The following UVRAG variants were observed in gnomAD, a reference collection of about 807,000 sequenced individuals.
UVRAG encodes UV radiation resistance associated.
UVRAG carries 19 observed loss-of-function variants against 78.0 expected under a neutral mutation model. That is an observed-to-expected ratio of 0.24 (90% confidence interval 0.17 to 0.36). The LOEUF (loss-of-function observed/expected upper bound fraction) is 0.36, where lower values mean the gene tolerates loss of function less well. UVRAG is among the 10% of genes least tolerant of loss of function. The pLI, the probability that UVRAG is intolerant of heterozygous loss-of-function variation, is 1.00. For missense variants in UVRAG, 740 were observed against 853.8 expected (o/e 0.87, Z 1.66); for synonymous variants, 323 against 324.6 (o/e 1.00, Z 0.05).
chr11:76,002,317 T>G (rs1949830204), intron 8 of UVRAG, among the ~76,000 whole-genome samples: 1 of 152,220 alleles, frequency 6.6e-6, no homozygotes, highest in South Asian at 2.1e-4. Context: ...GAGAAATGAA[T>G]GTGGTATGTT....
chr11:75,852,175 G>A (rs1946167297), intron 2 of UVRAG, among the ~76,000 whole-genome samples, 175 bp downstream of exon 2: 1 of 152,148 alleles, frequency 6.6e-6, no homozygotes, highest in African/African-American at 2.4e-5. Flanking sequence ...ATGGCAGTTG[G>A]ATAGTTCTTT....
chr11:76,061,333 G>A (rs1486034531), intron 12 of UVRAG, among the ~76,000 whole-genome samples: 1 of 152,166 alleles, frequency 6.6e-6, no homozygotes, highest in Admixed American at 6.5e-5. Flanking sequence ...TCGGCTCTCT[G>A]TAAAATGAAC....
At chr11:75,922,257 G>T (rs958110804) in intron 6 of UVRAG, among the ~76,000 whole-genome samples, 5 of 151,826 alleles carry the variant, frequency 3.3e-5, no homozygotes, top group African/African-American at 1.2e-4. Context: ...TGGTCATTTG[G>T]CTTTCTGTTA....
At chr11:75,950,459 T>C (rs1326500997) in intron 6 of UVRAG, among the ~76,000 whole-genome samples, 3 of 152,152 alleles carry the variant, frequency 2.0e-5, no homozygotes. Context: ...GCTGTGTTGC[T>C]GGGGGCTGAT....
chr11:75,893,670 C>CA (rs1048785134), intron 5 of UVRAG, among the ~76,000 whole-genome samples: 12,161 of 60,270 alleles, frequency 0.2, 1,607 homozygotes, highest in Non-Finnish European at 0.31. Flanking sequence ...CTATCTCTAC[C>CA]AAAAAAAAAA....
intron 7 of UVRAG, among the ~76,000 whole-genome samples, chr11:75,977,621 T>C (rs1204620566): frequency 6.6e-6 from 1 of 152,242 alleles, no homozygotes; most frequent in Non-Finnish European, 1.5e-5. Flanking sequence ...TTTACCATTA[T>C]GTAATGGCCT....
intron 4 of UVRAG, among the ~76,000 whole-genome samples, chr11:75,888,456 T>TA (rs35627138): frequency 9.3e-4 from 141 of 151,534 alleles, no homozygotes; most frequent in Non-Finnish European, 1.5e-3. Context: ...GGCTTCATGT[T>TA]AAAAAAAAAT....
At chr11:75,931,512 A>G (rs577472966) in intron 6 of UVRAG, among the ~76,000 whole-genome samples, 1 of 152,172 alleles carries the variant, frequency 6.6e-6, no homozygotes, top group Non-Finnish European at 1.5e-5. Context: ...GGCATATTTT[A>G]AAAAATTAAA....
At position 76,073,868 on chromosome 11, in the gene UVRAG, G is replaced by A. The variant is rs569130416; in HGVS notation, c.1305+8080G>A. ...AAATACTCCTTTCTTTTTCAGCTGC[G>A]TATCTGTATAAGGCTGGATTTTCTT... is the stretch of plus-strand genomic sequence containing the variant. On this transcript the variant is annotated intron_variant, in intron 13 of 14. Transcript: ENST00000356136. 6.6e-5 allele frequency among the ~76,000 whole-genome samples: 10 copies of A among 152,122 alleles called. No homozygotes were observed. The South Asian group carries it at 1.5e-3, about 22-fold the overall frequency.
chr11:75,849,491 C>T (rs1292225705), intron 1 of UVRAG, among the ~76,000 whole-genome samples: 2 of 130,070 alleles, frequency 1.5e-5, no homozygotes, highest in African/African-American at 8.6e-5. Context: ...GAGACTCCAT[C>T]TCAAAAAAAA....
chr11:76,082,549 A>AG (rs1313478432), intron 13 of UVRAG, among the ~76,000 whole-genome samples: 1 of 151,390 alleles, frequency 6.6e-6, no homozygotes, highest in Non-Finnish European at 1.5e-5. Context: ...CAAAAAAAAA[A>AG]AAAAAAAAAA....
chr11:75,861,885 C>CT (rs1282982448), intron 3 of UVRAG, 105 bp downstream of exon 3: 4 of 929,502 alleles, frequency 4.3e-6, no homozygotes, highest in Non-Finnish European at 3.4e-6. Context: ...TTTTATGATA[C>CT]TTTAACGGAT....
intron 13 of UVRAG, among the ~76,000 whole-genome samples, chr11:76,091,008 C>G (rs554884568): frequency 2.6e-5 from 4 of 152,308 alleles, no homozygotes; most frequent in African/African-American, 9.6e-5. Context: ...ATGTCTTCCT[C>G]TTTCTCAGTG....
At chr11:76,053,373 G>A (rs1039752628) in intron 12 of UVRAG, among the ~76,000 whole-genome samples, 19 of 147,844 alleles carry the variant, frequency 1.3e-4, no homozygotes, top group Admixed American at 8.6e-4. Context: ...TCCTTCTCCC[G>A]TGTTTCCCAT....
chr11:75,858,574 T>C (rs1946343597), intron 2 of UVRAG, among the ~76,000 whole-genome samples: 1 of 152,222 alleles, frequency 6.6e-6, no homozygotes, highest in Admixed American at 6.5e-5. Flanking sequence ...TGAATAACTT[T>C]ATAATACATT....
intron 12 of UVRAG, among the ~76,000 whole-genome samples, chr11:76,027,433 G>T (rs748394979): frequency 6.6e-6 from 1 of 152,024 alleles, no homozygotes; most frequent in Non-Finnish European, 1.5e-5. Flanking sequence ...GGTGCAAAAT[G>T]CATCTCTTTT....
At chr11:76,025,750 T>C (rs1950315824) in intron 12 of UVRAG, among the ~76,000 whole-genome samples, 1 of 152,156 alleles carries the variant, frequency 6.6e-6, no homozygotes, top group African/African-American at 2.4e-5. Context: ...AATCAGATAA[T>C]ATTGGGCCAA....
In UVRAG at chr11:75,815,402, A is replaced by G; in HGVS notation, c.-6A>G. 1 of 1,241,034 alleles carries G rather than the reference A, an allele frequency of 8.1e-7. No individual in the cohort carries two copies. Among genetic ancestry groups the G allele is most frequent in the South Asian group, 3.2e-5 (1 of 30,894 alleles). The allele number at this position is 1,241,034 out of a possible 1,614,324, so 76.9% of individuals were successfully genotyped here. A position where few individuals can be genotyped will look rare whatever the true frequency, so the allele number is the denominator to read the frequency against. On this transcript the variant is annotated 5_prime_UTR_variant, in exon 1 of 15. Coordinates refer to ENST00000356136, the MANE Select transcript of UVRAG (RefSeq NM_003369.4). Reference sequence around the variant, plus strand: ...CGCCCCGCCGCTTGGCGGCCCCTGGATCGAGATGAGCGCCTCCGCGTCGGT... The same window carrying G: ...CGCCCCGCCGCTTGGCGGCCCCTGGGTCGAGATGAGCGCCTCCGCGTCGGT...
intron 11 of UVRAG, among the ~76,000 whole-genome samples, chr11:76,013,409 C>G (rs1232320585): frequency 6.6e-6 from 1 of 152,108 alleles, no homozygotes; most frequent in Non-Finnish European, 1.5e-5. Flanking sequence ...TCGTGTTTCT[C>G]CCTGGACCGT....
Sources: gnomAD v4.1 joint callset for allele counts (sites outside exome capture counted in the v4.1 genomes callset) on GRCh38, gnomAD v4.1.1 for gene constraint, MANE v1.5 for transcripts, NCBI Gene and HGNC (gene_info 2026-07-23, HGNC 2026-07-21) for gene names.